Variants in ELL observed in about 807,000 individuals in gnomAD.
ELL encodes RNA polymerase II elongation factor ELL.
Under a neutral mutation model 64.0 loss-of-function variants are expected in ELL, and 18 were observed. The observed-to-expected ratio is 0.28, with a 90% confidence interval of 0.19 to 0.42. The LOEUF (loss-of-function observed/expected upper bound fraction) is 0.42. Among genes scored for constraint, ELL ranks in the 10% least tolerant of loss-of-function variants. The pLI, the probability that ELL is intolerant of heterozygous loss-of-function variation, is 1.00. For missense variants in ELL, 797 were observed against 870.4 expected (o/e 0.92, Z 1.06); for synonymous variants, 399 against 376.2 (o/e 1.06, Z -0.70).
intron 4 of ELL, among the ~76,000 whole-genome samples, chr19:18,463,703 G>A (rs1375710468): frequency 6.6e-6 from 1 of 151,890 alleles, no homozygotes; most frequent in East Asian, 1.9e-4. Flanking sequence ...ACTGGGCCAG[G>A]GGCGGTGGCT....
chr19:18,478,220 G>C (rs1424995029), intron 1 of ELL, among the ~76,000 whole-genome samples: 1 of 152,210 alleles, frequency 6.6e-6, no homozygotes, highest in African/African-American at 2.4e-5. Context: ...CCCTTGTCAG[G>C]GGGGCCAAGC....
In ELL at chr19:18,462,376, GC is replaced by G. The variant is rs796859995; in HGVS notation, c.470-525del. On this transcript the variant is annotated intron_variant, in intron 4 of 11. Coordinates refer to ENST00000262809, the MANE Select transcript of ELL (RefSeq NM_006532.4). ...GTGTGTGTGTGTGTTTGGGCGGGGGGCGGGGGGGGAAGGATTGTTTTGTTTT... is the reference window on the plus strand; with the variant it reads ...GTGTGTGTGTGTGTTTGGGCGGGGGGGGGGGGGGAAGGATTGTTTTGTTTT... 9.3e-4 allele frequency among the ~76,000 whole-genome samples: 57 copies of G among 61,388 alleles called. 3 individuals are homozygous for G. The highest frequency in any genetic ancestry group is 4.0e-3 in the African/African-American group (33 of 8,294). 40.3% of individuals were successfully genotyped at this position (61,388 alleles called of 152,430 possible).
At chr19:18,496,375 C>T (rs965148212) in intron 1 of ELL, among the ~76,000 whole-genome samples, 36 of 152,314 alleles carry the variant, frequency 2.4e-4, no homozygotes, top group African/African-American at 8.2e-4. Flanking sequence ...GGAAAGAGCT[C>T]AAAATCTCCC....
At position 18,501,600 on chromosome 19, in the gene ELL, G is replaced by A. The variant is rs1040393915; in HGVS notation, c.135+20321C>T. On this transcript the variant is annotated intron_variant, in intron 1 of 11. Transcript: ENST00000262809. This position sits in a 1 kb window ranked among gnomAD's most constrained non-coding sequence, Gnocchi z 4.5. ...TGAGACGGGGGCCAAGCCAGGGGCC[G>A]GCTACTCACGAGTGCACACGAGGAC... Among the ~76,000 whole-genome samples the A allele has an allele frequency of 1.3e-5, 2 of 152,200 alleles. No homozygotes were observed. The highest frequency in any genetic ancestry group is 1.9e-4 in the East Asian group (1 of 5,192).
chr19:18,490,679 G>A (rs1393260796), intron 1 of ELL, among the ~76,000 whole-genome samples: 4 of 152,160 alleles, frequency 2.6e-5, no homozygotes, highest in Non-Finnish European at 4.4e-5. Flanking sequence ...CAGTGACCAC[G>A]GCCCTCGGAA....
At chr19:18,482,814 C>G (rs1389826398) in intron 1 of ELL, among the ~76,000 whole-genome samples, 2 of 130,758 alleles carry the variant, frequency 1.5e-5, no homozygotes, top group African/African-American at 6.6e-5. Flanking sequence ...TGTTTTGAGA[C>G]AGGGCCTCAC....
chr19:18,468,161 TCA>T (rs976496055), intron 2 of ELL, among the ~76,000 whole-genome samples: 4 of 121,512 alleles, frequency 3.3e-5, no homozygotes, highest in African/African-American at 1.3e-4. Flanking sequence ...CAAACACAAC[TCA>T]CACATAACCA....
intron 1 of ELL, among the ~76,000 whole-genome samples, chr19:18,478,765 TCAACA>T (rs1310531657): frequency 6.6e-6 from 1 of 152,192 alleles, no homozygotes; most frequent in Non-Finnish European, 1.5e-5. Flanking sequence ...AGAACAGACC[TCAACA>T]CAGCAGGGCA....
intron 1 of ELL, among the ~76,000 whole-genome samples, chr19:18,511,574 T>G (rs187154246): frequency 6.6e-6 from 1 of 152,234 alleles, no homozygotes; most frequent in East Asian, 1.9e-4. Flanking sequence ...ATGTGGTCCA[T>G]CCACACCACA....
intron 1 of ELL, among the ~76,000 whole-genome samples, chr19:18,497,941 C>T (rs773429934): frequency 6.6e-6 from 1 of 151,382 alleles, no homozygotes; most frequent in Non-Finnish European, 1.5e-5. Context: ...CCAGCCTGAC[C>T]AACTTGGAGA....
At chr19:18,510,445 G>A (rs979505549) in intron 1 of ELL, among the ~76,000 whole-genome samples, 27 of 152,210 alleles carry the variant, frequency 1.8e-4, no homozygotes, top group African/African-American at 2.4e-4. Flanking sequence ...AGCAGGGCAC[G>A]TAGCCACTGT....
chr19:18,518,164 G>A (rs1385443292), intron 1 of ELL, among the ~76,000 whole-genome samples: 2 of 149,850 alleles, frequency 1.3e-5, no homozygotes, highest in African/African-American at 4.9e-5. Flanking sequence ...CTCCAGCCTA[G>A]CAACAAGAGT....
chr19:18,509,582 T>TGCGCGCACGTGCGCGCGCGCGC (rs1975958442), intron 1 of ELL, among the ~76,000 whole-genome samples: 1 of 95,538 alleles, frequency 1.0e-5, no homozygotes, highest in African/African-American at 4.7e-5. Context: ...CCAATGCACG[T>TGCGCGCACGTGCGCGCGCGCGC]GCGCGCGCGC....
chr19:18,469,189 G>A (rs936143065), intron 2 of ELL, among the ~76,000 whole-genome samples: 3 of 152,120 alleles, frequency 2.0e-5, no homozygotes, highest in Non-Finnish European at 2.9e-5. Flanking sequence ...AGGGCATGGC[G>A]GTTGGCGTCC....
At chr19:18,445,164 C>T (rs1440074231) in intron 11 of ELL, 60 bp downstream of exon 11, 1 of 1,606,538 alleles carries the variant, frequency 6.2e-7, no homozygotes, top group African/African-American at 1.3e-5. Context: ...CCGGGCCCAC[C>T]CTCCTCCCTC....
intron 2 of ELL, among the ~76,000 whole-genome samples, chr19:18,469,461 G>A (rs1975016506): frequency 6.6e-6 from 1 of 152,342 alleles, no homozygotes; most frequent in East Asian, 1.9e-4. Flanking sequence ...GGTTTGAAAC[G>A]CAGCCCCTGC....
rs1336673757 is a variant in ELL at position 18,456,297 on chromosome 19, C to A, written c.869+1908G>T. Among the ~76,000 whole-genome samples, 4 of 152,228 alleles carry A rather than the reference C, an allele frequency of 2.6e-5. No individual in the cohort carries two copies. The East Asian group carries it at 7.7e-4, about 29-fold the overall frequency. On this transcript the variant is annotated intron_variant, in intron 6 of 11. Coordinates refer to ENST00000262809, the MANE Select transcript of ELL (RefSeq NM_006532.4). Reference sequence around the variant, plus strand: ...CATCCCAGAGTAGGTACCTGGCCAGCCCCTGGCTCTGTGGACCAGCACAGG... The same window carrying A: ...CATCCCAGAGTAGGTACCTGGCCAGACCCTGGCTCTGTGGACCAGCACAGG...
intron 1 of ELL, among the ~76,000 whole-genome samples, chr19:18,503,318 T>C (rs979503028): frequency 1.3e-5 from 2 of 152,148 alleles, no homozygotes; most frequent in Non-Finnish European, 2.9e-5. Context: ...TTTTCTGTCT[T>C]ATTTCTGGAA....
intron 1 of ELL, among the ~76,000 whole-genome samples, chr19:18,519,197 A>C (rs974347442): frequency 5.3e-5 from 8 of 151,482 alleles, no homozygotes; most frequent in African/African-American, 1.9e-4. Flanking sequence ...GCACCACTGC[A>C]CTCCAGCCTG....
Sources: allele counts gnomAD v4.1 joint callset (sites outside exome capture counted in the v4.1 genomes callset), GRCh38; gene constraint gnomAD v4.1.1; non-coding constraint Gnocchi (gnomAD v3.1); transcripts MANE v1.5; gene names NCBI Gene and HGNC (gene_info 2026-07-23, HGNC 2026-07-21).